The following SPATA2 variants were observed in gnomAD, a reference collection of about 807,000 sequenced individuals.
SPATA2 encodes spermatogenesis-associated protein 2.
SPATA2 carries 8 observed loss-of-function variants against 35.4 expected under a neutral mutation model. That is an observed-to-expected ratio of 0.23 (90% CI 0.13 to 0.41). The LOEUF is 0.41. SPATA2 is among the 10% of genes least tolerant of loss of function. The probability of loss-of-function intolerance (pLI) is 1.00; values close to 1 mark genes in which losing one functional copy is unlikely to be tolerated. For missense variants in SPATA2, 650 were observed against 698.7 expected (o/e 0.93, Z 0.79); for synonymous variants, 293 against 300.9 (o/e 0.97, Z 0.27).
intron 2 of SPATA2, 117 bp downstream of exon 2, chr20:49,908,037 CG>C (rs1187694594): frequency 9.4e-7 from 1 of 1,064,076 alleles, no homozygotes; most frequent in Non-Finnish European, 1.4e-6. Flanking sequence ...GTTCGGAGCC[CG>C]GAAGGATCTG....
At chr20:49,913,607 G>A (rs2090193297) in intron 1 of SPATA2, 1 of 152,218 alleles carries the variant, frequency 6.6e-6, no homozygotes, top group African/African-American at 2.4e-5. Flanking sequence ...CTACTCGAAA[G>A]TGTTTGGCTA....
In SPATA2 at chr20:49,906,136, C is replaced by T. The variant is rs1409785102; in HGVS notation, c.1046G>A (p.Arg349Gln). The change falls in exon 3 of 3, where the codon CGG (arginine) becomes CAG (glutamine). Residue 349 changes from arginine (R) to glutamine (Q), a missense_variant. By Grantham distance (43) the Arg-to-Gln change is conservative (BLOSUM62 1). Transcript: ENST00000289431. The surrounding 1 kb of genome is among the most constrained non-coding windows in gnomAD (Gnocchi z 8.2). The stretch of plus-strand genomic sequence containing the variant: ...CACATCCGGCCGCAGAGCATCCTGC[C>T]GACGGTAGGTGGCCCTGGGTTCAGA... ...TDSEPRATYR[R>Q]QDALRPDVWL... is the part of the protein sequence containing the mutation. The T allele has an allele frequency of 9.3e-6, 15 of 1,610,836 alleles. No individual in the cohort carries two copies. The highest frequency in any genetic ancestry group is 1.7e-5 in the Admixed American group (1 of 59,876).
In SPATA2 at chr20:49,907,432, A is replaced by G. The variant is rs191888464; in HGVS notation, c.337-587T>C. Among the ~76,000 whole-genome samples, 104 of 152,246 alleles carry G rather than the reference A, an allele frequency of 6.8e-4. No individual in the cohort carries two copies. In the East Asian group the frequency reaches 0.016, roughly 23 times the overall value. ...GGGCACGAAGACTCTACTCCATATG[A>G]AGAGAGAGCCTGGGCAAACATGGCT... On this transcript the variant is annotated intron_variant, in intron 2 of 2. Transcript: ENST00000289431.
rs2090124767 is a variant in SPATA2 at position 49,903,947 on chromosome 20, ATAT to A, written c.*1669_*1671del. ...TATATATATATATATATATATATATATATATTAAAAAGAGAGCCATAGAAGATT... is the reference window on the plus strand; with the variant it reads ...TATATATATATATATATATATATATAATTAAAAAGAGAGCCATAGAAGATT... On this transcript the variant is annotated 3_prime_UTR_variant, in exon 3 of 3. Coordinates refer to ENST00000289431, the MANE Select transcript of SPATA2 (RefSeq NM_006038.4). The A allele has an allele frequency of 1.0e-5, 1 of 96,850 alleles. No homozygotes were observed. The highest frequency in any genetic ancestry group is 1.2e-4 in the Admixed American group (1 of 8,620). The allele number at this position is 96,850 out of a possible 1,614,324, so 6.0% of individuals were successfully genotyped here.
intron 1 of SPATA2, among the ~76,000 whole-genome samples, chr20:49,913,063 G>A (rs762963992): frequency 1.2e-4 from 18 of 151,988 alleles, no homozygotes; most frequent in Non-Finnish European, 2.5e-4. Flanking sequence ...GAGCTATGAT[G>A]GCACCACTGC....
In SPATA2 at chr20:49,905,809, G is replaced by A. The variant is rs757323132; in HGVS notation, c.1373C>T (p.Ser458Phe). 6.2e-7 allele frequency: 1 copy of A among 1,614,238 alleles called. No homozygotes were observed. Among genetic ancestry groups the A allele is most frequent in the Admixed American group, 1.7e-5 (1 of 60,034 alleles). Residue 458 changes from serine to phenylalanine, a missense_variant, in exon 3 of 3, where the codon TCC becomes TTC. Physicochemically the swap from Ser to Phe is radical, Grantham distance 155 (BLOSUM62 -2). Coordinates refer to ENST00000289431, the MANE Select transcript of SPATA2 (RefSeq NM_006038.4). ...SKSKPSTTPT[S>F]RCGFCNRPGA... ...TGGGCGGTTGCAGAAGCCACAGCGG[G>A]AAGTGGGCGTGGTGGAGGGCTTGGA... is the stretch of plus-strand genomic sequence containing the variant.
chr20:49,906,148 G>C lies in SPATA2; in HGVS notation c.1034C>G (p.Ala345Gly). 1.2e-6 allele frequency: 2 copies of C among 1,608,494 alleles called. No individual in the cohort carries two copies. Among genetic ancestry groups the C allele is most frequent in the South Asian group, 2.2e-5 (2 of 90,130 alleles). The change falls in exon 3 of 3, where the codon GCC becomes GGC. Residue 345 changes from alanine to glycine, a missense_variant. Coordinates refer to ENST00000289431, the MANE Select transcript of SPATA2 (RefSeq NM_006038.4). The surrounding 1 kb of genome is among the most constrained non-coding windows in gnomAD (Gnocchi z 8.2). Reference sequence around the variant, plus strand: ...CAGAGCATCCTGCCGACGGTAGGTGGCCCTGGGTTCAGAGTCTGTGTACAG... The same window carrying C: ...CAGAGCATCCTGCCGACGGTAGGTGCCCCTGGGTTCAGAGTCTGTGTACAG... ...VDLYTDSEPR[A>G]TYRRQDALRP...
rs943614296 is a variant in SPATA2 at position 49,908,220 on chromosome 20, T to G, written c.271A>C (p.Met91Leu). 1 of 1,613,848 alleles carries G rather than the reference T, an allele frequency of 6.2e-7. No individual in the cohort carries two copies. The highest frequency in any genetic ancestry group is 1.3e-5 in the African/African-American group (1 of 74,930). ...AGGTTGATGCCCACCGTCTCCAGCA[T>G]GCTGAAGGCGCCGTGCAGAGCCCGC... ...SLRALHGAFSMLETVGINLFL... is the reference protein window; with the variant it reads ...SLRALHGAFSLLETVGINLFL... The change falls in exon 2 of 3, where the codon ATG (methionine) becomes CTG (leucine). Residue 91 changes from methionine to leucine, a missense_variant. Met to Leu is a conservative substitution (Grantham distance 15). Transcript: ENST00000289431.
intron 1 of SPATA2, among the ~76,000 whole-genome samples, chr20:49,915,012 C>T (rs2090201578): frequency 6.6e-6 from 1 of 152,230 alleles, no homozygotes; most frequent in South Asian, 2.1e-4. Context: ...TATCCAAGGT[C>T]ACACAGTGAG....
In SPATA2 at chr20:49,906,483, C is replaced by A; in HGVS notation, c.699G>T (p.Ser233=). The A allele has an allele frequency of 6.2e-7, 1 of 1,611,282 alleles. No homozygotes were observed. Among genetic ancestry groups the A allele is most frequent in the East Asian group, 2.2e-5 (1 of 44,876 alleles). ...ASMSRVALQK[S]ASERAAKDYY... ...AGTCCTTGGCCGCCCGCTCGCTGGCCGACTTCTGGAGTGCCACTCGTGACA... is the reference window on the plus strand; with the variant it reads ...AGTCCTTGGCCGCCCGCTCGCTGGCAGACTTCTGGAGTGCCACTCGTGACA... Residue 233 remains serine, a synonymous_variant, in exon 3 of 3, where the codon TCG becomes TCT. Transcript: ENST00000289431. The surrounding 1 kb of genome is among the most constrained non-coding windows in gnomAD (Gnocchi z 8.2).
intron 1 of SPATA2, among the ~76,000 whole-genome samples, chr20:49,910,177 C>A (rs992143905): frequency 6.6e-6 from 1 of 152,342 alleles, no homozygotes; most frequent in African/African-American, 2.4e-5. Context: ...CGCAGGGTCA[C>A]GGACACGGGG....
At chr20:49,910,561 T>C (rs2090177204) in intron 1 of SPATA2, among the ~76,000 whole-genome samples, 1 of 152,130 alleles carries the variant, frequency 6.6e-6, no homozygotes, top group African/African-American at 2.4e-5. Flanking sequence ...AGGTGACCTG[T>C]GTGCTTCATG....
At chr20:49,912,275 G>A (rs561281957) in intron 1 of SPATA2, among the ~76,000 whole-genome samples, 2 of 152,234 alleles carry the variant, frequency 1.3e-5, no homozygotes, top group East Asian at 1.9e-4. Context: ...CCAACATAGC[G>A]AAACCCCGCC....
chr20:49,911,326 C>A (rs1371281942), intron 1 of SPATA2, among the ~76,000 whole-genome samples: 1 of 152,092 alleles, frequency 6.6e-6, no homozygotes, highest in Non-Finnish European at 1.5e-5. Flanking sequence ...TTGTTCACCA[C>A]GATGCCTAAC....
Position 49,903,488 on chromosome 20 carries a change from A to G in SPATA2, c.*2131T>C, listed in dbSNP as rs933460272. The G allele has an allele frequency of 6.6e-6, 1 of 152,186 alleles. No individual in the cohort carries two copies. Among genetic ancestry groups the G allele is most frequent in the Non-Finnish European group, 1.5e-5 (1 of 68,036 alleles). The allele number at this position is 152,186 out of a possible 1,614,324, so 9.4% of individuals were successfully genotyped here. On this transcript the variant is annotated 3_prime_UTR_variant, in exon 3 of 3. Coordinates refer to ENST00000289431, the MANE Select transcript of SPATA2 (RefSeq NM_006038.4). ...AAATGTAAAACATCTGCATTTTTAA[A>G]TTAGCATGTATTTAACTATCTCAAT...
At chr20:49,910,935 C>A (rs2090179269) in intron 1 of SPATA2, among the ~76,000 whole-genome samples, 1 of 152,238 alleles carries the variant, frequency 6.6e-6, no homozygotes, top group African/African-American at 2.4e-5. Flanking sequence ...CATTTAGGGG[C>A]CAGGTGCGGG....
At chr20:49,913,497 G>A (rs1402648647) in intron 1 of SPATA2, 1 of 152,232 alleles carries the variant, frequency 6.6e-6, no homozygotes, top group Non-Finnish European at 1.5e-5. Flanking sequence ...CTTACCCTAA[G>A]TCGTAAGGCT....
chr20:49,906,956 G>A lies in SPATA2; in HGVS notation c.337-111C>T. The A allele has an allele frequency of 1.6e-6, 2 of 1,223,080 alleles. No individual in the cohort carries two copies. Among genetic ancestry groups the A allele is most frequent in the African/African-American group, 1.5e-5 (1 of 65,476 alleles). 75.8% of individuals were successfully genotyped at this position (1,223,080 alleles called of 1,614,324 possible). ...CTCTGAAGTGGGGCGGCGGGGAGAGGGCAGGGCAGGGAAGGATCTCGACAG... is the reference window on the plus strand; with the variant it reads ...CTCTGAAGTGGGGCGGCGGGGAGAGAGCAGGGCAGGGAAGGATCTCGACAG... On this transcript the variant is annotated intron_variant, in intron 2 of 2. Transcript: ENST00000289431. The surrounding 1 kb of genome is among the most constrained non-coding windows in gnomAD (Gnocchi z 8.2).
chr20:49,906,184 T>C lies in SPATA2; in HGVS notation c.998A>G (p.Asp333Gly), dbSNP rs1473657044. 6.3e-7 allele frequency: 1 copy of C among 1,585,844 alleles called. No individual in the cohort carries two copies. Among genetic ancestry groups the C allele is most frequent in the Non-Finnish European group, 8.6e-7 (1 of 1,163,046 alleles). The change falls in exon 3 of 3, where the codon GAT (aspartate) becomes GGT (glycine). Residue 333 changes from aspartate (D) to glycine (G), a missense_variant. Coordinates refer to ENST00000289431, the MANE Select transcript of SPATA2 (RefSeq NM_006038.4). The surrounding 1 kb of genome is among the most constrained non-coding windows in gnomAD (Gnocchi z 8.2). ...AGAGTCTGTGTACAGATCCACGTCA[T>C]CCTGAGTGGAGAAGTAGGTACCGCG... ...LLRGTYFSTQ[D>G]DVDLYTDSEP...
Sources: allele counts gnomAD v4.1 joint callset (sites outside exome capture counted in the v4.1 genomes callset), GRCh38; gene constraint gnomAD v4.1.1; non-coding constraint Gnocchi (gnomAD v3.1); transcripts MANE v1.5; gene names NCBI Gene and HGNC (gene_info 2026-07-23, HGNC 2026-07-21).